Variants in IFT88 observed in about 807,000 individuals in gnomAD.
The protein encoded by IFT88 is intraflagellar transport 88, also known as intraflagellar transport protein 88 homolog.
IFT88 carries 74 observed loss-of-function variants against 119.5 expected under a neutral mutation model. The observed-to-expected ratio is 0.62, with a 90% CI of 0.51 to 0.75. IFT88 has a LOEUF of 0.75. Ranked by LOEUF, IFT88 falls within the 30% of genes least tolerant of loss-of-function variation. IFT88 has a pLI of 0.00. For missense variants in IFT88, 961 were observed against 977.7 expected (o/e 0.98, Z 0.23); for synonymous variants, 279 against 316.7 (o/e 0.88, Z 1.26).
At chr13:20,680,878 C>G (rs2057247963) in intron 24 of IFT88, among the ~76,000 whole-genome samples, 2 of 152,204 alleles carry the variant, frequency 1.3e-5, no homozygotes, top group African/African-American at 4.8e-5. Context: ...TCGAATCTCT[C>G]CACCAAACCA....
intron 7 of IFT88, among the ~76,000 whole-genome samples, chr13:20,594,367 A>G (rs966883865): frequency 6.6e-6 from 1 of 152,222 alleles, no homozygotes; most frequent in African/African-American, 2.4e-5. Context: ...CCTGAAGCAG[A>G]TATGCCTTCA....
chr13:20,620,346 A>T (rs1467917560), intron 14 of IFT88, among the ~76,000 whole-genome samples: 1 of 152,198 alleles, frequency 6.6e-6, no homozygotes, highest in Admixed American at 6.5e-5. Context: ...GTCTGTTTGT[A>T]GAATCTTTAT....
At chr13:20,680,707 G>A (rs569356325) in intron 24 of IFT88, among the ~76,000 whole-genome samples, 1 of 152,276 alleles carries the variant, frequency 6.6e-6, no homozygotes, top group South Asian at 2.1e-4. Flanking sequence ...CAACCGGGGG[G>A]TCCTCGGGTT....
chr13:20,638,525 G>A lies in IFT88; in HGVS notation c.1573+7G>A. The A allele has an allele frequency of 7.2e-7, 1 of 1,393,342 alleles. No individual in the cohort carries two copies. Among genetic ancestry groups the A allele is most frequent in the Non-Finnish European group, 9.4e-7 (1 of 1,064,502 alleles). 86.3% of individuals were successfully genotyped at this position (1,393,342 alleles called of 1,614,324 possible). ...GAAGCACTTTATAATATTGGTAAGT[G>A]AAACAAGGGGAAATTGCTTTTTAAA... is the stretch of plus-strand genomic sequence containing the variant. On this transcript the variant is annotated splice_region_variant and intron_variant, in intron 17 of 25. Coordinates refer to ENST00000351808, the MANE Select transcript of IFT88 (RefSeq NM_006531.5).
intron 3 of IFT88, among the ~76,000 whole-genome samples, chr13:20,585,137 G>A (rs1357471146): frequency 6.6e-6 from 1 of 152,142 alleles, no homozygotes; most frequent in Non-Finnish European, 1.5e-5. Context: ...TGGGGTAAAT[G>A]CATTTAGTGT....
chr13:20,687,044 A>C (rs1038298882), intron 24 of IFT88, among the ~76,000 whole-genome samples: 2 of 151,066 alleles, frequency 1.3e-5, no homozygotes, highest in South Asian at 4.2e-4. Context: ...AAAAAAAAAA[A>C]AAAAACCTCA....
intron 23 of IFT88, among the ~76,000 whole-genome samples, chr13:20,667,009 A>G (rs1245494437): frequency 1.3e-5 from 2 of 152,224 alleles, no homozygotes; most frequent in Admixed American, 6.5e-5. Flanking sequence ...CACTTCGCAG[A>G]ATAACATGGA....
In IFT88 at chr13:20,671,040, G is replaced by A; in HGVS notation, c.2242+1G>A. ...AAAAGAGAAGGAAGTGCTAGCGGTG[G>A]TAAGTATTTTCTCTTTCCCTGAAAA... On this transcript the variant is annotated splice_donor_variant, in intron 24 of 25. Coordinates refer to ENST00000351808, the MANE Select transcript of IFT88 (RefSeq NM_006531.5). LOFTEE classifies it high-confidence loss of function. 1.9e-6 allele frequency: 3 copies of A among 1,613,244 alleles called. No individual in the cohort carries two copies. Among genetic ancestry groups the A allele is most frequent in the Non-Finnish European group, 2.5e-6 (3 of 1,179,432 alleles).
At chr13:20,608,174 A>G (rs933105757) in intron 13 of IFT88, 11 of 331,444 alleles carry the variant, frequency 3.3e-5, no homozygotes, top group African/African-American at 2.0e-4. Flanking sequence ...GGACAGGACC[A>G]GACTGTTCTG....
At chr13:20,636,740 A>G (rs1487499535) in intron 16 of IFT88, among the ~76,000 whole-genome samples, 1 of 152,258 alleles carries the variant, frequency 6.6e-6, no homozygotes, top group Non-Finnish European at 1.5e-5. Flanking sequence ...CCTGCTACGT[A>G]GTCCAAAAGA....
chr13:20,580,811 C>T lies in IFT88; in HGVS notation c.91-2146C>T, dbSNP rs544175336. ...CGCGACCTCTGCTCATTGTAAGCTC[C>T]GCCTCCCAGGTTCATGCCATTCTCC... On this transcript the variant is annotated intron_variant, in intron 2 of 25. Transcript: ENST00000351808. Among the ~76,000 whole-genome samples, 505 of 150,860 alleles carry T rather than the reference C, an allele frequency of 3.3e-3. 4 individuals carry two copies. The highest frequency in any genetic ancestry group is 0.011 in the African/African-American group (469 of 41,052).
At chr13:20,684,998 CA>C (rs1251942291) in intron 24 of IFT88, among the ~76,000 whole-genome samples, 1 of 152,238 alleles carries the variant, frequency 6.6e-6, no homozygotes, top group East Asian at 1.9e-4. Context: ...AGAGTGGGAT[CA>C]GGGGGCTGAC....
rs149336199 is a variant in IFT88 at position 20,638,418 on chromosome 13, G to A, written c.1473G>A (p.Gly491=). The change falls in exon 17 of 26, where the codon GGG becomes GGA. Residue 491 remains glycine, a synonymous_variant. Transcript: ENST00000351808. ...ATCCAGCAGCTCTTACTAATAAAGG[G>A]AATACAGTTTTTGCAAATGGTGATT... The part of the protein sequence containing the change: ...RYNPAALTNK[G]NTVFANGDYE... 26 of 1,528,332 alleles carry A rather than the reference G, an allele frequency of 1.7e-5. No homozygotes were observed. The highest frequency in any genetic ancestry group is 8.6e-5 in the Admixed American group (4 of 46,332). The allele number at this position is 1,528,332 out of a possible 1,614,324, so 94.7% of individuals were successfully genotyped here.
intron 24 of IFT88, among the ~76,000 whole-genome samples, chr13:20,675,908 G>A (rs1349958876): frequency 1.3e-5 from 2 of 152,236 alleles, no homozygotes; most frequent in Non-Finnish European, 2.9e-5. Context: ...GCTAATCCCT[G>A]CTCTAAGCCA....
rs368516090 is a variant in IFT88 at position 20,691,237 on chromosome 13, C to T, written c.*62C>T. ...CTTATGAGATCATCCTCATGTTAAA[C>T]CTTGGATTAAATATCTAACCTGTAA... On this transcript the variant is annotated 3_prime_UTR_variant, in exon 26 of 26. Transcript: ENST00000351808. 6.2e-6 allele frequency: 9 copies of T among 1,449,352 alleles called. No homozygotes were observed. The African/African-American group carries it at 1.1e-4, about 18-fold the overall frequency. The allele number at this position is 1,449,352 out of a possible 1,614,324, so 89.8% of individuals were successfully genotyped here.
chr13:20,603,140 A>G (rs1001727978), intron 12 of IFT88, among the ~76,000 whole-genome samples: 5 of 152,226 alleles, frequency 3.3e-5, no homozygotes, highest in Admixed American at 2.0e-4. Flanking sequence ...GGCATACTGT[A>G]TATTAGTTTA....
At chr13:20,608,430 C>T (rs74452894) in intron 13 of IFT88, among the ~76,000 whole-genome samples, 6 of 152,146 alleles carry the variant, frequency 3.9e-5, no homozygotes, top group East Asian at 1.9e-4. Context: ...GGGTCCCTGC[C>T]GAGATCTTGG....
intron 12 of IFT88, 108 bp downstream of exon 12, chr13:20,602,041 T>C (rs2042674799): frequency 1.6e-6 from 1 of 641,900 alleles, no homozygotes; most frequent in African/African-American, 1.8e-5. Flanking sequence ...TTCCCAGGCC[T>C]GTATCAATGT....
intron 24 of IFT88, among the ~76,000 whole-genome samples, chr13:20,686,643 A>G (rs1432698918): frequency 9.3e-6 from 1 of 107,068 alleles, no homozygotes; most frequent in African/African-American, 4.3e-5. Flanking sequence ...TTTAAATATG[A>G]TAAAAATCTC....
Sources: gnomAD v4.1 joint callset for allele counts (sites outside exome capture counted in the v4.1 genomes callset) on GRCh38, gnomAD v4.1.1 for gene constraint, MANE v1.5 for transcripts, NCBI Gene and HGNC (gene_info 2026-07-23, HGNC 2026-07-21) for gene names.